Variants in PTPRK observed in about 807,000 individuals in gnomAD.
The protein encoded by PTPRK is receptor-type tyrosine-protein phosphatase kappa.
A neutral mutation model predicts 178.0 loss-of-function variants in PTPRK; 75 were observed. The observed-to-expected ratio is 0.42, with a 90% CI of 0.35 to 0.51. The LOEUF (loss-of-function observed/expected upper bound fraction) is 0.51, where lower values mean the gene tolerates loss of function less well. Ranked by LOEUF, PTPRK falls within the 20% of genes least tolerant of loss-of-function variation. The pLI is 0.02. For synonymous variants in PTPRK, 637 were observed against 620.6 expected (o/e 1.03, Z -0.39); for missense variants, 1,441 against 1,797.8 (o/e 0.80, Z 3.59).
rs1858621981 is a variant in PTPRK at position 128,519,357 on chromosome 6, G to C, written c.100+902C>G. Among the ~76,000 whole-genome samples, 2 of 152,220 alleles carry C rather than the reference G, an allele frequency of 1.3e-5. No individual in the cohort carries two copies. The highest frequency in any genetic ancestry group is 6.5e-5 in the Admixed American group (1 of 15,290). On this transcript the variant is annotated intron_variant, in intron 1 of 29. Transcript: ENST00000368226. This position sits in a 1 kb window ranked among gnomAD's most constrained non-coding sequence, Gnocchi z 4.3. ...ACGGACTTCTCTGAGCGGCTTGACC[G>C]AGAACCCCCAGGGCTACAGCGAGAC... is the stretch of plus-strand genomic sequence containing the variant.
intron 13 of PTPRK, among the ~76,000 whole-genome samples, chr6:128,034,074 C>G (rs1775801098): frequency 6.6e-6 from 1 of 152,192 alleles, no homozygotes; most frequent in African/African-American, 2.4e-5. Context: ...GACTGGTCCT[C>G]CAGTACAAGC....
chr6:128,163,295 T>C (rs1446731746), intron 7 of PTPRK, among the ~76,000 whole-genome samples: 2 of 151,102 alleles, frequency 1.3e-5, no homozygotes, highest in African/African-American at 4.8e-5. Flanking sequence ...CTGAAAATAA[T>C]AAATAATATG....
At chr6:128,318,042 T>A (rs938986610) in intron 3 of PTPRK, among the ~76,000 whole-genome samples, 3 of 152,164 alleles carry the variant, frequency 2.0e-5, no homozygotes, top group African/African-American at 7.2e-5. Context: ...ATATGATATA[T>A]CTAGAGAAAA....
intron 3 of PTPRK, among the ~76,000 whole-genome samples, chr6:128,284,948 CT>C (rs1822226319): frequency 1.3e-5 from 2 of 152,062 alleles, no homozygotes; most frequent in African/African-American, 4.8e-5. Context: ...CATTAAATAC[CT>C]TAAGTCTCAA....
At chr6:128,281,906 A>T (rs1821736603) in intron 3 of PTPRK, among the ~76,000 whole-genome samples, 1 of 152,220 alleles carries the variant, frequency 6.6e-6, no homozygotes, top group Non-Finnish European at 1.5e-5. Flanking sequence ...GTTCATGAGC[A>T]GCTGCAGTTT....
At chr6:128,215,428 T>C (rs1209601951) in intron 6 of PTPRK, among the ~76,000 whole-genome samples, 1 of 152,212 alleles carries the variant, frequency 6.6e-6, no homozygotes, top group Admixed American at 6.5e-5. Context: ...CACTTCAATT[T>C]TGTAAAACAC....
intron 7 of PTPRK, among the ~76,000 whole-genome samples, chr6:128,152,471 G>A (rs1797395390): frequency 6.6e-6 from 1 of 151,758 alleles, no homozygotes; most frequent in Non-Finnish European, 1.5e-5. Context: ...TGGTGAAATA[G>A]TCCAAGAACA....
chr6:128,328,041 T>G (rs1377724231), intron 2 of PTPRK, among the ~76,000 whole-genome samples: 1 of 152,168 alleles, frequency 6.6e-6, no homozygotes, highest in Non-Finnish European at 1.5e-5. Flanking sequence ...CAGGCCAGGT[T>G]TGTTGCTACA....
intron 7 of PTPRK, among the ~76,000 whole-genome samples, chr6:128,131,981 C>T (rs1426271631): frequency 1.3e-5 from 2 of 152,062 alleles, no homozygotes; most frequent in African/African-American, 4.8e-5. Flanking sequence ...TGCACAAAAA[C>T]TATGTCTTTA....
intron 27 of PTPRK, among the ~76,000 whole-genome samples, chr6:127,976,113 A>G (rs898084031): frequency 1.3e-5 from 2 of 152,104 alleles, no homozygotes; most frequent in African/African-American, 2.4e-5. Context: ...CACTGGTTCT[A>G]CCTTTAGATC....
chr6:128,089,579 G>T, intron 8 of PTPRK, 111 bp downstream of exon 8: 3 of 1,155,830 alleles, frequency 2.6e-6, no homozygotes, highest in East Asian at 4.8e-5. Context: ...ATAACATTTA[G>T]ATGATTTCAG....
chr6:128,154,320 GC>G (rs1413903266), intron 7 of PTPRK, among the ~76,000 whole-genome samples: 1 of 151,622 alleles, frequency 6.6e-6, no homozygotes, highest in Non-Finnish European at 1.5e-5. Flanking sequence ...AATGGCAATA[GC>G]AAAAAAATTA....
At chr6:128,335,589 G>C (rs1173891440) in intron 2 of PTPRK, among the ~76,000 whole-genome samples, 2 of 151,934 alleles carry the variant, frequency 1.3e-5, no homozygotes, top group Non-Finnish European at 2.9e-5. Flanking sequence ...AAACAGGGTG[G>C]TAGAGAAAAT....
intron 2 of PTPRK, among the ~76,000 whole-genome samples, chr6:128,355,187 G>A (rs1368746837): frequency 6.6e-6 from 1 of 152,146 alleles, no homozygotes; most frequent in Non-Finnish European, 1.5e-5. Context: ...ATGTGAAGAT[G>A]AAAGTTTTCT....
chr6:128,197,703 G>A (rs1014881555), intron 6 of PTPRK, among the ~76,000 whole-genome samples: 2 of 151,948 alleles, frequency 1.3e-5, no homozygotes, highest in Non-Finnish European at 2.9e-5. Context: ...TGGCTGGGGA[G>A]GGGGGACAAT....
At position 128,015,755 on chromosome 6, in the gene PTPRK, T is replaced by A. The variant is rs114659350; in HGVS notation, c.2195-6487A>T. The stretch of plus-strand genomic sequence containing the variant: ...CTCAAATACTCTTTATTTTAGGAGT[T>A]GGCAAACTGTGGTCCCTGAGTTTTA... On this transcript the variant is annotated intron_variant, in intron 13 of 29. Transcript: ENST00000368226. 9.1e-3 allele frequency among the ~76,000 whole-genome samples: 1,377 copies of A among 151,852 alleles called. 23 individuals carry two copies. Among genetic ancestry groups the A allele is most frequent in the African/African-American group, 0.031 (1,290 of 41,486 alleles).
At chr6:128,085,713 G>A (rs1318227411) in intron 8 of PTPRK, among the ~76,000 whole-genome samples, 1 of 152,218 alleles carries the variant, frequency 6.6e-6, no homozygotes, top group Non-Finnish European at 1.5e-5. Flanking sequence ...GTATTTCTAT[G>A]CTCTTACAGT....
chr6:128,193,024 G>A (rs1484425466), intron 6 of PTPRK, among the ~76,000 whole-genome samples: 2 of 151,884 alleles, frequency 1.3e-5, no homozygotes, highest in Admixed American at 6.6e-5. Context: ...TGTAAGAATC[G>A]ACACTTGGAG....
At chr6:128,377,886 A>G (rs1468282034) in intron 2 of PTPRK, among the ~76,000 whole-genome samples, 1 of 152,138 alleles carries the variant, frequency 6.6e-6, no homozygotes, top group African/African-American at 2.4e-5. Context: ...AAACTGTTAC[A>G]AGCATATAAA....
Sources: allele counts gnomAD v4.1 joint callset (sites outside exome capture counted in the v4.1 genomes callset), GRCh38; gene constraint gnomAD v4.1.1; non-coding constraint Gnocchi (gnomAD v3.1); transcripts MANE v1.5; gene names NCBI Gene and HGNC (gene_info 2026-07-23, HGNC 2026-07-21).